The following NAALADL2 variants were observed in gnomAD, a reference collection of about 807,000 sequenced individuals.
NAALADL2 encodes the protein N-acetylated alpha-linked acidic dipeptidase like 2.
In NAALADL2, 76 loss-of-function variants were observed where a neutral mutation model predicts 87.2. The observed-to-expected ratio is 0.87, with a 90% CI of 0.72 to 1.05. NAALADL2 has a LOEUF of 1.05. NAALADL2 is among the 50% of genes least tolerant of loss of function. NAALADL2 has a pLI of 0.00. For synonymous variants in NAALADL2, 354 were observed against 331.0 expected, an observed-to-expected ratio of 1.07 and a Z score of -0.75; for missense variants, 1,089 against 945.8, an observed-to-expected ratio of 1.15 and a Z score of -1.99.
intron 6 of NAALADL2, among the ~76,000 whole-genome samples, chr3:175,461,118 T>C (rs1723063193): frequency 6.6e-6 from 1 of 152,180 alleles, no homozygotes; most frequent in Non-Finnish European, 1.5e-5. Context: ...TACAGAGTGC[T>C]GATTGGTGCA....
At chr3:175,468,826 A>G (rs1724462943) in intron 8 of NAALADL2, among the ~76,000 whole-genome samples, 1 of 152,068 alleles carries the variant, frequency 6.6e-6, no homozygotes, top group Non-Finnish European at 1.5e-5. Context: ...AGTTGAATCA[A>G]TGTGGGCTTG....
At chr3:174,982,437 A>G (rs1158856491) in intron 1 of NAALADL2, among the ~76,000 whole-genome samples, 1 of 152,166 alleles carries the variant, frequency 6.6e-6, no homozygotes, top group Non-Finnish European at 1.5e-5. Flanking sequence ...AGGATTCATT[A>G]TTGAAGATTT....
intron 10 of NAALADL2, among the ~76,000 whole-genome samples, chr3:175,599,594 A>G (rs916978212): frequency 1.3e-5 from 2 of 151,924 alleles, no homozygotes; most frequent in Non-Finnish European, 2.9e-5. Flanking sequence ...GTTATATTCT[A>G]TTTGTGTTAA....
chr3:175,135,831 G>T (rs1729035967), intron 2 of NAALADL2, among the ~76,000 whole-genome samples: 1 of 152,184 alleles, frequency 6.6e-6, no homozygotes, highest in Non-Finnish European at 1.5e-5. Flanking sequence ...ATTGGAAGTT[G>T]TTCTGAGAGC....
intron 2 of NAALADL2, among the ~76,000 whole-genome samples, chr3:175,118,948 A>G (rs1177067573): frequency 2.6e-5 from 4 of 151,772 alleles, no homozygotes; most frequent in Admixed American, 2.0e-4. Flanking sequence ...GTCATCAGGT[A>G]GCAAAAAATT....
intron 5 of NAALADL2, among the ~76,000 whole-genome samples, chr3:175,440,667 T>G (rs942973325): frequency 2.6e-5 from 4 of 152,176 alleles, no homozygotes; most frequent in African/African-American, 9.7e-5. Flanking sequence ...GGTTGAGTTC[T>G]TGATTCGATT....
intron 9 of NAALADL2, among the ~76,000 whole-genome samples, chr3:175,532,544 C>T (rs896396046): frequency 6.6e-6 from 1 of 152,170 alleles, no homozygotes; most frequent in African/African-American, 2.4e-5. Flanking sequence ...TAGAAGTTTT[C>T]TGCTTACATA....
At position 175,404,256 on chromosome 3, in the gene NAALADL2, T is replaced by C. The variant is rs1202739601; in HGVS notation, c.1091-42973T>C. On this transcript the variant is annotated intron_variant, in intron 5 of 13. Coordinates refer to ENST00000454872, the MANE Select transcript of NAALADL2 (RefSeq NM_207015.3). ...CCTCATCAGTTCTGCCAGAAACTCA[T>C]TGTGCAATCCTAGATAAATAGCATG... 8.5e-5 allele frequency among the ~76,000 whole-genome samples: 13 copies of C among 152,102 alleles called. No homozygotes were observed. In the East Asian group the frequency reaches 2.3e-3, roughly 27 times the overall value.
chr3:174,543,550 T>C (rs1722453145), intron 1 of NAALADL2, among the ~76,000 whole-genome samples: 1 of 152,124 alleles, frequency 6.6e-6, no homozygotes, highest in Non-Finnish European at 1.5e-5. Context: ...TGCTTTTCCT[T>C]TCTTCTTTCC....
intron 2 of NAALADL2, among the ~76,000 whole-genome samples, chr3:175,104,160 T>A (rs1722702938): frequency 6.6e-6 from 1 of 152,138 alleles, no homozygotes; most frequent in African/African-American, 2.4e-5. Context: ...CAAGAACCAC[T>A]GCACTTCATT....
intron 3 of NAALADL2, among the ~76,000 whole-genome samples, chr3:174,844,632 AAT>A (rs1311443659): frequency 2.6e-5 from 4 of 152,026 alleles, no homozygotes; most frequent in Non-Finnish European, 5.9e-5. Context: ...GTAAACATTG[AAT>A]ATGTCTTCAC....
At chr3:175,347,321 T>C (rs894585062) in intron 5 of NAALADL2, among the ~76,000 whole-genome samples, 1 of 152,212 alleles carries the variant, frequency 6.6e-6, no homozygotes, top group African/African-American at 2.4e-5. Flanking sequence ...ATGCTTTGTA[T>C]TTTATAAACA....
At chr3:175,445,550 C>G (rs1396672694) in intron 5 of NAALADL2, among the ~76,000 whole-genome samples, 1 of 151,994 alleles carries the variant, frequency 6.6e-6, no homozygotes, top group East Asian at 1.9e-4. Context: ...ATTGACTTAC[C>G]ACTTTGAGAG....
At chr3:175,205,059 C>T (rs187637498) in intron 2 of NAALADL2, among the ~76,000 whole-genome samples, 284 of 152,034 alleles carry the variant, frequency 1.9e-3, no homozygotes, top group Non-Finnish European at 2.6e-3. Flanking sequence ...ATATAATTCC[C>T]ATCAAAATAC....
intron 11 of NAALADL2, among the ~76,000 whole-genome samples, chr3:175,696,477 C>A (rs1737809847): frequency 1.3e-5 from 2 of 152,166 alleles, no homozygotes; most frequent in African/African-American, 4.8e-5. Context: ...AGATGATTGA[C>A]ACTCCACATA....
intron 11 of NAALADL2, among the ~76,000 whole-genome samples, chr3:175,732,608 C>T (rs551814409): frequency 2.6e-5 from 4 of 152,032 alleles, no homozygotes; most frequent in South Asian, 2.1e-4. Context: ...AGAGAACTTC[C>T]GAGAACATCC....
At chr3:175,661,839 C>G (rs1428953422) in intron 11 of NAALADL2, among the ~76,000 whole-genome samples, 1 of 151,822 alleles carries the variant, frequency 6.6e-6, no homozygotes, top group Non-Finnish European at 1.5e-5. Flanking sequence ...CTATGCTGTT[C>G]CATTGGTCTG....
chr3:174,766,600 A>G (rs1713834546), intron 3 of NAALADL2, among the ~76,000 whole-genome samples: 1 of 152,212 alleles, frequency 6.6e-6, no homozygotes, highest in Admixed American at 6.5e-5. Flanking sequence ...CTACTATGAC[A>G]TCTGTTTTTG....
At chr3:175,397,863 C>G (rs1770014664) in intron 5 of NAALADL2, among the ~76,000 whole-genome samples, 1 of 152,012 alleles carries the variant, frequency 6.6e-6, no homozygotes, top group Admixed American at 6.6e-5. Context: ...GATTAGGGGC[C>G]TTTTTGCTTT....
Sources: gnomAD v4.1 joint callset for allele counts (sites outside exome capture counted in the v4.1 genomes callset) on GRCh38, gnomAD v4.1.1 for gene constraint, MANE v1.5 for transcripts, NCBI Gene and HGNC (gene_info 2026-07-23, HGNC 2026-07-21) for gene names.